Variants in ATG10 observed in about 807,000 individuals in gnomAD.
ATG10 encodes ubiquitin-like-conjugating enzyme ATG10.
ATG10 carries 30 observed loss-of-function variants against 32.1 expected under a neutral mutation model. That is an observed-to-expected ratio of 0.94 (90% CI 0.70 to 1.27). The LOEUF is 1.27. ATG10 is among the 50% of genes most tolerant of loss of function. ATG10 has a pLI of 0.00. For missense variants in ATG10, 233 were observed against 262.3 expected, an observed-to-expected ratio of 0.89 and a Z score of 0.77; for synonymous variants, 87 against 91.5, an observed-to-expected ratio of 0.95 and a Z score of 0.28.
At chr5:82,041,097 C>T (rs1407671715) in intron 2 of ATG10, among the ~76,000 whole-genome samples, 4 of 152,164 alleles carry the variant, frequency 2.6e-5, no homozygotes, top group African/African-American at 9.7e-5. Context: ...ATCTTCAGTG[C>T]ACTTATCACT....
chr5:82,043,798 C>T (rs952434152), intron 2 of ATG10, among the ~76,000 whole-genome samples: 2 of 152,144 alleles, frequency 1.3e-5, no homozygotes, highest in Admixed American at 1.3e-4. Flanking sequence ...CCAGTAAGTA[C>T]CTCATCTCCA....
intron 2 of ATG10, among the ~76,000 whole-genome samples, chr5:82,025,431 T>C (rs534953821): frequency 1.9e-4 from 29 of 152,272 alleles, no homozygotes; most frequent in Admixed American, 1.0e-3. Flanking sequence ...TCCTTCAGTA[T>C]AGCATTCAAG....
intron 1 of ATG10, among the ~76,000 whole-genome samples, chr5:81,974,040 G>A (rs1760803764): frequency 6.6e-6 from 1 of 152,164 alleles, no homozygotes; most frequent in Non-Finnish European, 1.5e-5. Flanking sequence ...AGTTCCTGAT[G>A]CCTAATACAT....
rs575736407 is a variant in ATG10, at chr5:82,036,604, A to T, written c.109-21891A>T. On this transcript the variant is annotated intron_variant, in intron 2 of 7. Transcript: ENST00000282185. ...AGTCAGACTCCATTTCAAAAAAGAA[A>T]TTTTTTTTTACAAATGCACTTTAGT... Among the ~76,000 whole-genome samples the T allele has an allele frequency of 8.6e-5, 13 of 151,660 alleles. No individual in the cohort carries two copies. The South Asian group carries it at 1.0e-3, about 12-fold the overall frequency.
At chr5:82,077,570 A>AT (rs1764319688) in intron 3 of ATG10, among the ~76,000 whole-genome samples, 25 of 150,688 alleles carry the variant, frequency 1.7e-4, no homozygotes, top group South Asian at 1.0e-3. Context: ...CAGATTAAAA[A>AT]ATTTTTTTTT....
At chr5:82,057,562 CCTT>C (rs1763643873) in intron 2 of ATG10, among the ~76,000 whole-genome samples, 1 of 152,074 alleles carries the variant, frequency 6.6e-6, no homozygotes, top group Non-Finnish European at 1.5e-5. Context: ...ACCCCTTAGT[CCTT>C]ATTATTTTAA....
At chr5:81,996,347 C>A (rs960151191) in intron 2 of ATG10, among the ~76,000 whole-genome samples, 9 of 152,148 alleles carry the variant, frequency 5.9e-5, no homozygotes, top group Non-Finnish European at 8.8e-5. Flanking sequence ...AAGGGATCTT[C>A]CTGTCTCAGC....
Position 81,983,762 on chromosome 5 carries a change from C to T in ATG10, c.-12-3797C>T, listed in dbSNP as rs191194665. ...CTTCTCAGACAGGGCGGCTGCTGGG[C>T]GGAGGGTCTCCTCACTTCTCAGATG... On this transcript the variant is annotated intron_variant, in intron 1 of 7. Coordinates refer to ENST00000282185, the MANE Select transcript of ATG10 (RefSeq NM_031482.5). 1.8e-3 allele frequency among the ~76,000 whole-genome samples: 273 copies of T among 151,424 alleles called. 4 individuals carry two copies. The highest frequency in any genetic ancestry group is 6.4e-3 in the African/African-American group (263 of 41,074).
intron 3 of ATG10, among the ~76,000 whole-genome samples, chr5:82,161,540 T>C (rs537929857): frequency 6.2e-4 from 94 of 152,238 alleles, no homozygotes; most frequent in African/African-American, 2.1e-3. Flanking sequence ...TTTCTAAAAC[T>C]TGTATCTTAA....
chr5:82,076,235 C>A (rs1183928232), intron 3 of ATG10, among the ~76,000 whole-genome samples: 1 of 152,122 alleles, frequency 6.6e-6, no homozygotes. Context: ...ACACACTTCT[C>A]AGGAGAGTTT....
At position 82,154,141 on chromosome 5, in the gene ATG10, G is replaced by T. The variant is rs1447492256; in HGVS notation, c.217-10258G>T. ...TATGGTTAAAAAAAGAATTTAAAAA[G>T]AATAATATTCTATGACATTAAAATA... On this transcript the variant is annotated intron_variant, in intron 3 of 7. Coordinates refer to ENST00000282185, the MANE Select transcript of ATG10 (RefSeq NM_031482.5). 2.6e-5 allele frequency among the ~76,000 whole-genome samples: 4 copies of T among 152,126 alleles called. No homozygotes were observed. In the East Asian group the frequency reaches 7.7e-4, roughly 29 times the overall value.
At chr5:82,184,972 T>A (rs1470673838) in intron 5 of ATG10, among the ~76,000 whole-genome samples, 2 of 152,304 alleles carry the variant, frequency 1.3e-5, no homozygotes, top group Non-Finnish European at 2.9e-5. Context: ...CTAAATATAA[T>A]GATGATGATG....
At chr5:82,136,268 A>G (rs1381390826) in intron 3 of ATG10, among the ~76,000 whole-genome samples, 2 of 152,162 alleles carry the variant, frequency 1.3e-5, no homozygotes, top group African/African-American at 2.4e-5. Flanking sequence ...TCATGTCAGT[A>G]TGATGCTAGC....
chr5:81,978,985 C>T (rs1347339573), intron 1 of ATG10, among the ~76,000 whole-genome samples: 2 of 151,954 alleles, frequency 1.3e-5, no homozygotes, highest in South Asian at 2.1e-4. Context: ...CTGCAACTTT[C>T]GCCTCCTGGG....
intron 3 of ATG10, among the ~76,000 whole-genome samples, chr5:82,133,633 G>A (rs1169286749): frequency 2.0e-5 from 3 of 152,100 alleles, no homozygotes; most frequent in African/African-American, 7.2e-5. Flanking sequence ...TAGCCTTGTA[G>A]TGTAGTTTGA....
chr5:82,207,090 G>T (rs963804476), intron 5 of ATG10, among the ~76,000 whole-genome samples: 2 of 152,050 alleles, frequency 1.3e-5, no homozygotes, highest in Admixed American at 6.5e-5. Flanking sequence ...GGTTCCCCCT[G>T]CCCCAGGTTT....
intron 3 of ATG10, among the ~76,000 whole-genome samples, chr5:82,136,389 C>G (rs1038647019): frequency 1.4e-4 from 21 of 152,110 alleles, no homozygotes; most frequent in Non-Finnish European, 2.5e-4. Context: ...GTATTTAGTG[C>G]TTACTTCAGG....
chr5:82,020,010 C>T (rs1345642254), intron 2 of ATG10, among the ~76,000 whole-genome samples: 1 of 152,206 alleles, frequency 6.6e-6, no homozygotes, highest in Admixed American at 6.5e-5. Flanking sequence ...GGTCTCCCTG[C>T]AGGCGCCTCT....
chr5:82,198,932 G>A (rs1744962803), intron 5 of ATG10, among the ~76,000 whole-genome samples: 1 of 152,198 alleles, frequency 6.6e-6, no homozygotes, highest in Non-Finnish European at 1.5e-5. Context: ...ACAACATTCA[G>A]CTTTCACACT....
Sources: allele counts gnomAD v4.1 joint callset (sites outside exome capture counted in the v4.1 genomes callset), GRCh38; gene constraint gnomAD v4.1.1; transcripts MANE v1.5; gene names NCBI Gene and HGNC (gene_info 2026-07-23, HGNC 2026-07-21).